BMPER: variants seen among roughly 807,000 people sequenced by gnomAD.
The protein encoded by BMPER is BMP-binding endothelial regulator protein.
Under a neutral mutation model 87.3 loss-of-function variants are expected in BMPER, and 45 were observed. The ratio of observed to expected loss-of-function variants is 0.52; its 90% CI spans 0.41 to 0.66. The LOEUF (loss-of-function observed/expected upper bound fraction) is 0.66. BMPER is among the 30% of genes least tolerant of loss of function. The pLI, the probability that BMPER is intolerant of heterozygous loss-of-function variation, is 0.00. For missense variants in BMPER, 784 were observed against 867.5 expected (o/e 0.90, Z 1.21); for synonymous variants, 326 against 316.2 (o/e 1.03, Z -0.33).
chr7:33,954,060 G>T (rs1422884415), intron 3 of BMPER, among the ~76,000 whole-genome samples: 2 of 152,172 alleles, frequency 1.3e-5, no homozygotes. Flanking sequence ...ATAGACATTT[G>T]TGTTGATTCC....
intron 6 of BMPER, among the ~76,000 whole-genome samples, chr7:34,045,348 A>G (rs557748947): frequency 6.6e-6 from 1 of 151,956 alleles, no homozygotes; most frequent in East Asian, 1.9e-4. Flanking sequence ...AGCTTTCTGA[A>G]TATGAAGTTA....
intron 5 of BMPER, among the ~76,000 whole-genome samples, chr7:33,973,163 A>T (rs776380957): frequency 6.6e-5 from 10 of 152,228 alleles, no homozygotes; most frequent in Non-Finnish European, 1.2e-4. Flanking sequence ...TTTCATTTAA[A>T]ATTCATTTAA....
chr7:34,080,451 C>G (rs950820278), intron 12 of BMPER, among the ~76,000 whole-genome samples: 1 of 152,198 alleles, frequency 6.6e-6, no homozygotes, highest in Non-Finnish European at 1.5e-5. Context: ...TATTAATATA[C>G]TGGAACATTT....
At chr7:34,065,046 G>C (rs1162713097) in intron 11 of BMPER, among the ~76,000 whole-genome samples, 1 of 152,088 alleles carries the variant, frequency 6.6e-6, no homozygotes, top group Non-Finnish European at 1.5e-5. Context: ...AATTATGAAA[G>C]CTCTCTTAAT....
At chr7:33,963,625 C>A (rs1785328149) in intron 3 of BMPER, among the ~76,000 whole-genome samples, 3 of 152,062 alleles carry the variant, frequency 2.0e-5, no homozygotes, top group Admixed American at 2.0e-4. Context: ...GAAACCCTGT[C>A]TCTACTAAAA....
chr7:34,086,337 C>A (rs1789209187), intron 13 of BMPER, among the ~76,000 whole-genome samples: 2 of 152,142 alleles, frequency 1.3e-5, no homozygotes, highest in African/African-American at 4.8e-5. Context: ...TATAGGTCTG[C>A]ACGTTTACTG....
upstream of BMPER, chr7:33,905,283 G>C (rs1257434666): frequency 2.4e-6 from 1 of 413,552 alleles, no homozygotes; most frequent in Non-Finnish European, 4.5e-6. Flanking sequence ...TCCGGCTGCC[G>C]CAACACCCCT....
intron 13 of BMPER, among the ~76,000 whole-genome samples, chr7:34,099,204 A>G (rs931388749): frequency 6.6e-6 from 1 of 152,196 alleles, no homozygotes; most frequent in Non-Finnish European, 1.5e-5. Context: ...ACATTGTCCA[A>G]GGTAACCAGG....
chr7:33,934,280 G>A (rs1784550293), intron 2 of BMPER, among the ~76,000 whole-genome samples: 1 of 152,154 alleles, frequency 6.6e-6, no homozygotes. Flanking sequence ...TTAAGGAAAT[G>A]GAGGAATCAG....
chr7:33,973,176 G>C (rs562586930), intron 5 of BMPER, among the ~76,000 whole-genome samples: 20 of 152,212 alleles, frequency 1.3e-4, no homozygotes, highest in Non-Finnish European at 2.6e-4. Flanking sequence ...TCATTTAAGT[G>C]GTCAGGTGTA....
intron 3 of BMPER, among the ~76,000 whole-genome samples, chr7:33,965,881 AGTT>A: frequency 6.6e-6 from 1 of 152,054 alleles, no homozygotes; most frequent in African/African-American, 2.4e-5. Context: ...TTAGATGGGT[AGTT>A]TCAGATTCGC....
At chr7:34,066,236 G>C (rs1788585942) in intron 11 of BMPER, among the ~76,000 whole-genome samples, 1 of 152,172 alleles carries the variant, frequency 6.6e-6, no homozygotes, top group Non-Finnish European at 1.5e-5. Context: ...AGAAATAATA[G>C]AGGAGGCACA....
At chr7:33,911,439 A>T (rs1415785309) in intron 2 of BMPER, among the ~76,000 whole-genome samples, 4 of 152,262 alleles carry the variant, frequency 2.6e-5, no homozygotes, top group Non-Finnish European at 5.9e-5. Flanking sequence ...ACTTCTACAG[A>T]TACCTTCAAG....
At chr7:33,905,791 TGGTACCTGGGAAAGGTGGCGCTGGCTTG>T in intron 1 of BMPER, 45 bp downstream of exon 1, 1 of 1,309,698 alleles carries the variant, frequency 7.6e-7, no homozygotes, top group Non-Finnish European at 1.0e-6. Context: ...GACGCCGGTT[TGGTACCTGGGAAAGGTGGCGCTGGCTTG>T]CCCCGGGGAT....
intron 13 of BMPER, 60 bp from the exon 14 acceptor site, chr7:34,143,170 T>C: frequency 6.2e-7 from 1 of 1,603,566 alleles, no homozygotes; most frequent in Non-Finnish European, 8.5e-7. Flanking sequence ...TGAAGTTATA[T>C]TTAGGGTGTT....
At chr7:33,937,108 C>T (rs1784620865) in intron 2 of BMPER, among the ~76,000 whole-genome samples, 181 bp from the exon 3 acceptor site, 1 of 152,112 alleles carries the variant, frequency 6.6e-6, no homozygotes, top group Non-Finnish European at 1.5e-5. Context: ...CTCCAAAGTC[C>T]TGTGTTCCTG....
intron 3 of BMPER, among the ~76,000 whole-genome samples, chr7:33,955,211 T>G (rs1313664851): frequency 6.6e-6 from 1 of 152,224 alleles, no homozygotes; most frequent in Middle Eastern, 3.2e-3. Flanking sequence ...CCTTTATCAA[T>G]TTTGTCCTGT....
At chr7:34,055,414 A>T in intron 9 of BMPER, 111 bp downstream of exon 9, 54 of 1,276,716 alleles carry the variant, frequency 4.2e-5, no homozygotes, top group Non-Finnish European at 5.6e-5. Context: ...TACATATACA[A>T]ATGTATATGT....
chr7:33,933,082 G>A (rs771685583), intron 2 of BMPER, among the ~76,000 whole-genome samples: 85 of 152,320 alleles, frequency 5.6e-4, no homozygotes, highest in Non-Finnish European at 9.4e-4. Flanking sequence ...CAGCAAGCTG[G>A]CTGCCGGAAT....
Sources: gnomAD v4.1 joint callset for allele counts (sites outside exome capture counted in the v4.1 genomes callset) on GRCh38, gnomAD v4.1.1 for gene constraint, MANE v1.5 for transcripts, NCBI Gene and HGNC (gene_info 2026-07-23, HGNC 2026-07-21) for gene names.